Variants in DNAH3 observed in about 807,000 individuals in gnomAD.
DNAH3 encodes axonemal beta dynein heavy chain 3.
A neutral mutation model predicts 432.5 loss-of-function variants in DNAH3; 332 were observed. The ratio of observed to expected loss-of-function variants is 0.77; its 90% confidence interval spans 0.70 to 0.84. The LOEUF (loss-of-function observed/expected upper bound fraction) is 0.84. Among genes scored for constraint, DNAH3 ranks in the 40% least tolerant of loss-of-function variants. The pLI is 0.00. For missense variants in DNAH3, 4,861 were observed against 5,114.0 expected (o/e 0.95, Z 1.51); for synonymous variants, 1,956 against 1,900.2 (o/e 1.03, Z -0.76).
chr16:20,963,029 T>G (rs777171088), intron 53 of DNAH3, among the ~76,000 whole-genome samples: 2 of 149,276 alleles, frequency 1.3e-5, no homozygotes, highest in Non-Finnish European at 3.0e-5. Flanking sequence ...TTTCTCCATT[T>G]CTGGTTCTCT....
chr16:20,936,733 G>A, exon 60 of DNAH3: 1 of 1,610,648 alleles, frequency 6.2e-7, no homozygotes, highest in Non-Finnish European at 8.5e-7. Flanking sequence ...CTGCCCACAT[G>A]GCTGGCACTT....
chr16:21,022,139 C>A, intron 39 of DNAH3, 39 bp from the exon 40 acceptor site: 1 of 1,610,738 alleles, frequency 6.2e-7, no homozygotes, highest in South Asian at 1.1e-5. Context: ...GAGACATGAT[C>A]AACAAGTGAG....
rs370683778 is a variant in DNAH3 at position 20,983,056 on chromosome 16, A to C, written c.7666-142T>G. 41 of 613,572 alleles carry C rather than the reference A, an allele frequency of 6.7e-5. No individual in the cohort carries two copies. The East Asian group carries it at 1.0e-3, about 15-fold the overall frequency. 38.0% of individuals were successfully genotyped at this position (613,572 alleles called of 1,614,324 possible). The stretch of plus-strand genomic sequence containing the variant: ...AATGAGTGCCTGGGAAATGCGGGCT[A>C]ATTAGTGGGATATTTTCACTTAACT... On this transcript the variant is annotated intron_variant, in intron 48 of 61. Transcript: ENST00000261383.
chr16:20,985,357 T>C (rs565218234), exon 48 of DNAH3: 1 of 1,614,232 alleles, frequency 6.2e-7, no homozygotes, highest in African/African-American at 1.3e-5. Flanking sequence ...TGCGTAGTTC[T>C]TGGTGATCTC....
In DNAH3 at chr16:20,972,739, A is replaced by ATTT. The variant is rs34245316; in HGVS notation, c.8259+2491_8259+2493dup. On this transcript the variant is annotated intron_variant, in intron 51 of 61. Coordinates refer to ENST00000261383, the Ensembl canonical transcript of DNAH3. ...TGCCCTTCTGAGACAATGCCCCGTGATTTTTTTTTTTTTTTTTTTTTTTTG... is the reference window on the plus strand; with the variant it reads ...TGCCCTTCTGAGACAATGCCCCGTGATTTTTTTTTTTTTTTTTTTTTTTTTTTG... 2.0e-3 allele frequency among the ~76,000 whole-genome samples: 189 copies of ATTT among 95,926 alleles called. 5 individuals are homozygous for ATTT. The highest frequency in any genetic ancestry group is 6.2e-3 in the African/African-American group (134 of 21,588). The allele number at this position is 95,926 out of a possible 152,430, so 62.9% of individuals were successfully genotyped here.
intron 53 of DNAH3, among the ~76,000 whole-genome samples, chr16:20,962,527 C>T (rs9932000): frequency 0.23 from 34,731 of 152,144 alleles, 4,141 homozygotes; most frequent in South Asian, 0.29. Context: ...GCTGACAATG[C>T]CTGAGTCCCC....
chr16:21,027,722 C>T (rs1266857713), intron 37 of DNAH3, among the ~76,000 whole-genome samples: 3 of 152,228 alleles, frequency 2.0e-5, no homozygotes, highest in Admixed American at 6.5e-5. Context: ...TGCCTGACCT[C>T]AGTCAGGGTT....
intron 47 of DNAH3, among the ~76,000 whole-genome samples, chr16:20,986,460 T>C (rs1027046762): frequency 3.0e-4 from 45 of 152,198 alleles, no homozygotes; most frequent in African/African-American, 1.0e-3. Flanking sequence ...TGTGCTATGA[T>C]CATACCATTG....
At chr16:20,993,143 G>C (rs1056620008) in intron 44 of DNAH3, among the ~76,000 whole-genome samples, 2 of 152,170 alleles carry the variant, frequency 1.3e-5, no homozygotes, top group Non-Finnish European at 2.9e-5. Context: ...TGGGTTTACA[G>C]GTATGAGCCA....
chr16:21,031,128 C>T (rs751470168), exon 37 of DNAH3: 2 of 1,614,170 alleles, frequency 1.2e-6, no homozygotes, highest in Non-Finnish European at 1.7e-6. Flanking sequence ...CACTTGCGAT[C>T]ATCAGAGAGT....
intron 14 of DNAH3, among the ~76,000 whole-genome samples, chr16:21,109,555 T>A (rs1285318290): frequency 1.3e-5 from 2 of 152,186 alleles, no homozygotes; most frequent in Admixed American, 1.3e-4. Context: ...TAATACAGTA[T>A]ACAATATAAT....
intron 28 of DNAH3, among the ~76,000 whole-genome samples, chr16:21,053,888 A>G (rs1236989156): frequency 6.6e-6 from 1 of 151,700 alleles, no homozygotes; most frequent in Non-Finnish European, 1.5e-5. Context: ...GCTGGAAGGC[A>G]TCCTCTCTCA....
At chr16:20,941,668 T>A (rs1223430465) in intron 58 of DNAH3, 125 bp from the exon 59 acceptor site, 2 of 1,234,708 alleles carry the variant, frequency 1.6e-6, no homozygotes, top group Admixed American at 4.7e-5. Context: ...CTGAGAACTC[T>A]CCAACAGAAG....
chr16:21,004,718 C>T (rs964502958), intron 41 of DNAH3, among the ~76,000 whole-genome samples: 2 of 151,818 alleles, frequency 1.3e-5, no homozygotes, highest in Non-Finnish European at 2.9e-5. Context: ...TCCTTCCTTT[C>T]TCCTCTTCCC....
chr16:21,026,609 G>C (rs1204172026), intron 38 of DNAH3, among the ~76,000 whole-genome samples: 1 of 148,794 alleles, frequency 6.7e-6, no homozygotes, highest in Admixed American at 6.8e-5. Flanking sequence ...GCTGAGGCAG[G>C]AGAATCGCTT....
At chr16:20,957,451 C>CA (rs756125384) in intron 54 of DNAH3, among the ~76,000 whole-genome samples, 5 of 151,766 alleles carry the variant, frequency 3.3e-5, no homozygotes, top group Admixed American at 2.0e-4. Context: ...GCAAGCTATA[C>CA]AAAAAAAACT....
exon 41 of DNAH3, chr16:21,019,648 T>G (rs751505900): frequency 6.2e-7 from 1 of 1,614,192 alleles, no homozygotes; most frequent in Admixed American, 1.7e-5. Context: ...ATGTTGTTTT[T>G]GGTGAGTTTG....
At chr16:20,975,412 C>T in exon 51 of DNAH3, 2 of 1,613,500 alleles carry the variant, frequency 1.2e-6, no homozygotes, top group South Asian at 1.1e-5. Flanking sequence ...TGCATAACCG[C>T]TACCTAGCAA....
intron 53 of DNAH3, among the ~76,000 whole-genome samples, chr16:20,959,849 C>T (rs2084741554): frequency 6.6e-6 from 1 of 151,898 alleles, no homozygotes; most frequent in Non-Finnish European, 1.5e-5. Context: ...ATTATCTGAA[C>T]TGAAAAGAAA....
Sources: gnomAD v4.1 joint callset for allele counts (sites outside exome capture counted in the v4.1 genomes callset) on GRCh38, gnomAD v4.1.1 for gene constraint, MANE v1.5 for transcripts, NCBI Gene and HGNC (gene_info 2026-07-23, HGNC 2026-07-21) for gene names.